The following LINGO2 variants were observed in gnomAD, a reference collection of about 807,000 sequenced individuals.
The protein encoded by LINGO2 is leucine-rich repeat and immunoglobulin-like domain-containing nogo receptor-interacting protein 2.
Under a neutral mutation model 30.6 loss-of-function variants are expected in LINGO2, and 14 were observed. The observed-to-expected ratio is 0.46, with a 90% confidence interval of 0.30 to 0.72. LINGO2 has a LOEUF of 0.72. LINGO2 is among the 30% of genes least tolerant of loss of function. LINGO2 has a pLI of 0.07. For synonymous variants in LINGO2, 317 were observed against 288.5 expected, an observed-to-expected ratio of 1.10 and a Z score of -1.00; for missense variants, 729 against 751.7, an observed-to-expected ratio of 0.97 and a Z score of 0.35.
intron 4 of LINGO2, among the ~76,000 whole-genome samples, chr9:28,098,062 C>A (rs72724976): frequency 6.6e-6 from 1 of 151,968 alleles, no homozygotes; most frequent in Non-Finnish European, 1.5e-5. Context: ...CCCAATACTA[C>A]GGGAGGCCGT....
chr9:29,076,783 C>G, the LINGO2 span, among the ~76,000 whole-genome samples: 1 of 151,818 alleles, frequency 6.6e-6, no homozygotes, highest in Non-Finnish European at 1.5e-5. Context: ...GGACAAGCCA[C>G]TTAACTTTTC....
At chr9:28,685,094 C>T in the LINGO2 span, among the ~76,000 whole-genome samples, 2 of 152,088 alleles carry the variant, frequency 1.3e-5, no homozygotes, top group South Asian at 4.1e-4. Context: ...GTTTCCTGTT[C>T]CTGTATTAGT....
the LINGO2 span, among the ~76,000 whole-genome samples, chr9:28,707,450 TC>T: frequency 6.6e-6 from 1 of 152,124 alleles, no homozygotes; most frequent in Non-Finnish European, 1.5e-5. Flanking sequence ...TCCCTGAGAG[TC>T]TTTCGAAGTT....
chr9:28,673,891 T>C (rs1829120004), upstream of LINGO2, among the ~76,000 whole-genome samples: 2 of 151,828 alleles, frequency 1.3e-5, no homozygotes, highest in Admixed American at 6.6e-5. Flanking sequence ...AAGTAGGAAT[T>C]TGATGAACAT....
chr9:28,031,353 GTTT>G (rs141386644), intron 4 of LINGO2, among the ~76,000 whole-genome samples: 23 of 135,368 alleles, frequency 1.7e-4, no homozygotes, highest in East Asian at 1.0e-3. Flanking sequence ...AAACAGGATG[GTTT>G]TTTTTTTTTT....
intron 4 of LINGO2, among the ~76,000 whole-genome samples, chr9:28,287,202 G>C (rs942080328): frequency 2.0e-5 from 3 of 152,160 alleles, no homozygotes; most frequent in African/African-American, 7.2e-5. Flanking sequence ...GAAAATACAT[G>C]ACTCAATCAT....
intron 5 of LINGO2, among the ~76,000 whole-genome samples, chr9:27,956,090 G>A (rs1479828138): frequency 6.6e-6 from 1 of 151,822 alleles, no homozygotes; most frequent in Non-Finnish European, 1.5e-5. Context: ...CAAGGCGTGC[G>A]CCACCATGCC....
chr9:28,461,258 T>A (rs1290452257), intron 2 of LINGO2, among the ~76,000 whole-genome samples: 1 of 152,092 alleles, frequency 6.6e-6, no homozygotes, highest in Non-Finnish European at 1.5e-5. Flanking sequence ...AATAAGACAA[T>A]TCTTGATCTG....
chr9:28,300,434 C>T (rs768534162), intron 3 of LINGO2, among the ~76,000 whole-genome samples: 12 of 152,094 alleles, frequency 7.9e-5, no homozygotes, highest in East Asian at 1.9e-4. Context: ...TTTTTGTCTT[C>T]GCTCAAAGAT....
chr9:28,462,041 T>C (rs16913151), intron 2 of LINGO2, among the ~76,000 whole-genome samples: 1,964 of 152,232 alleles, frequency 0.013, 35 homozygotes, highest in African/African-American at 0.044. Context: ...AAAATCTGTA[T>C]TCATTCTCCT....
At chr9:28,314,907 C>T (rs10968497) in intron 3 of LINGO2, among the ~76,000 whole-genome samples, 14,662 of 150,984 alleles carry the variant, frequency 0.097, 910 homozygotes, top group Middle Eastern at 0.26. Flanking sequence ...ATGGCGTGAA[C>T]CCGGGAGGCG....
intron 4 of LINGO2, among the ~76,000 whole-genome samples, chr9:28,182,359 C>T (rs1389562338): frequency 6.6e-6 from 1 of 152,124 alleles, no homozygotes; most frequent in Admixed American, 6.5e-5. Flanking sequence ...ACCATAAAAA[C>T]CCTAGAAGAA....
intron 1 of LINGO2, among the ~76,000 whole-genome samples, chr9:28,532,510 C>T (rs1437722877): frequency 6.6e-6 from 1 of 151,882 alleles, no homozygotes; most frequent in Non-Finnish European, 1.5e-5. Flanking sequence ...ACAAACAAGA[C>T]AAAACAAAGG....
chr9:28,545,994 C>A (rs922573235), intron 1 of LINGO2, among the ~76,000 whole-genome samples: 2 of 152,036 alleles, frequency 1.3e-5, no homozygotes, highest in Non-Finnish European at 2.9e-5. Context: ...CACTACTACT[C>A]TAAGTATTCT....
intron 3 of LINGO2, among the ~76,000 whole-genome samples, chr9:28,310,451 A>G (rs1015489839): frequency 7.2e-5 from 11 of 152,296 alleles, no homozygotes; most frequent in Non-Finnish European, 1.5e-4. Flanking sequence ...GCAGCCCTCC[A>G]AAAAGAATGT....
chr9:28,617,313 C>CTTTTTTTTTTTTTTTTTTTTTTT (rs1563867137), intron 1 of LINGO2, among the ~76,000 whole-genome samples: 1 of 141,586 alleles, frequency 7.1e-6, no homozygotes, highest in African/African-American at 2.8e-5. Flanking sequence ...TTTTTTTTTT[C>CTTTTTTTTTTTTTTTTTTTTTTT]GAGACAGAGT....
rs186691801 is a variant in LINGO2, at chr9:28,348,314, G to T, written c.-246+24522C>A. Among the ~76,000 whole-genome samples, 845 of 152,200 alleles carry T rather than the reference G, an allele frequency of 5.6e-3. 9 individuals are homozygous for T. Among genetic ancestry groups the T allele is most frequent in the African/African-American group, 0.019 (800 of 41,508 alleles). ...GTGCACCGTGCACGAGCCAAAGCAG[G>T]GCGAGGCATTGCCTCACTTGGGAAG... On this transcript the variant is annotated intron_variant, in intron 3 of 5. Coordinates refer to ENST00000379992, the Ensembl canonical transcript of LINGO2.
intron 5 of LINGO2, among the ~76,000 whole-genome samples, chr9:28,000,098 C>T (rs538876728): frequency 3.5e-4 from 54 of 152,262 alleles, no homozygotes; most frequent in African/African-American, 1.3e-3. Flanking sequence ...AGGATAAACT[C>T]AGTGAAAAGA....
chr9:28,642,070 T>G (rs1357850915), intron 1 of LINGO2, among the ~76,000 whole-genome samples: 1 of 151,446 alleles, frequency 6.6e-6, no homozygotes, highest in African/African-American at 2.4e-5. Flanking sequence ...TATATGTGTG[T>G]GTGTGTGTGT....
Sources: gnomAD v4.1 joint callset for allele counts (sites outside exome capture counted in the v4.1 genomes callset) on GRCh38, gnomAD v4.1.1 for gene constraint, MANE v1.5 for transcripts, NCBI Gene and HGNC (gene_info 2026-07-23, HGNC 2026-07-21) for gene names.